USP20: variants seen among roughly 807,000 people sequenced by gnomAD.
The protein encoded by USP20 is ubiquitin specific peptidase 20.
USP20 carries 80 observed loss-of-function variants against 124.2 expected under a neutral mutation model. The ratio of observed to expected loss-of-function variants is 0.64; its 90% confidence interval spans 0.54 to 0.78. The LOEUF is 0.78. Ranked by LOEUF, USP20 falls within the 30% of genes least tolerant of loss-of-function variation. The probability of loss-of-function intolerance (pLI) is 0.00; values close to 1 mark genes in which losing one functional copy is unlikely to be tolerated. For synonymous variants in USP20, 481 were observed against 512.3 expected (o/e 0.94, Z 0.83); for missense variants, 1,043 against 1,244.4 (o/e 0.84, Z 2.44).
At position 129,852,621 on chromosome 9, in the gene USP20, G is replaced by A. The variant is rs2131051097; in HGVS notation, c.66G>A (p.Leu22=). 1 of 1,593,522 alleles carries A rather than the reference G, an allele frequency of 6.3e-7. No individual in the cohort carries two copies. Among genetic ancestry groups the A allele is most frequent in the South Asian group, 1.1e-5 (1 of 87,748 alleles). The change falls in exon 3 of 26, where the codon TTG becomes TTA. Residue 22 remains leucine (L), a synonymous_variant. Coordinates refer to ENST00000372429, the MANE Select transcript of USP20 (RefSeq NM_001110303.4). The part of the protein sequence containing the change: ...DSIGEVTKED[L]LLKSKGTCQS... ...TAGGAGAGGTGACCAAAGAGGACTT[G>A]CTGCTCAAATCTAAGGTAAAGGGTC...
intron 8 of USP20, among the ~76,000 whole-genome samples, chr9:129,861,908 G>T (rs1456660746): frequency 6.6e-6 from 1 of 152,192 alleles, no homozygotes; most frequent in Non-Finnish European, 1.5e-5. Flanking sequence ...AGCCCTTGCA[G>T]CAAGTGCAGG....
At chr9:129,853,694 T>G (rs1229256268) in intron 3 of USP20, among the ~76,000 whole-genome samples, 1 of 152,226 alleles carries the variant, frequency 6.6e-6, no homozygotes, top group Non-Finnish European at 1.5e-5. Context: ...CTTTGCCTCT[T>G]GCAGCATGAA....
chr9:129,875,597 G>A lies in USP20; in HGVS notation c.2256G>A (p.Leu752=). The A allele has an allele frequency of 6.2e-7, 1 of 1,614,074 alleles. No individual in the cohort carries two copies. Among genetic ancestry groups the A allele is most frequent in the Non-Finnish European group, 8.5e-7 (1 of 1,180,008 alleles). The part of the protein sequence containing the change: ...PPHKYHYIDD[L]VVILPQNVWE... Reference sequence around the variant, plus strand: ...ACAAATACCACTACATCGACGACCTGGTGGTCATCCTGCCCCAGAACGTCT... The same window carrying A: ...ACAAATACCACTACATCGACGACCTAGTGGTCATCCTGCCCCAGAACGTCT... The change falls in exon 21 of 26, where the codon CTG becomes CTA. Residue 752 remains leucine (L), a synonymous_variant. Transcript: ENST00000372429.
rs1304662720 is a variant in USP20 at position 129,870,542 on chromosome 9, T to C, written c.1655T>C (p.Leu552Ser). Residue 552 changes from leucine to serine, a missense_variant, in exon 15 of 26, where the codon TTA becomes TCA. Coordinates refer to ENST00000372429, the MANE Select transcript of USP20 (RefSeq NM_001110303.4). ...GCTGCCTTCTTTGCCGCTGATGAGT[T>C]AAAGGGTGAGGGGCCTGGCTGGCAA... ...CLAAFFAADE[L>S]KGDNMYSCER... 1 of 1,613,988 alleles carries C rather than the reference T, an allele frequency of 6.2e-7. No homozygotes were observed. Among genetic ancestry groups the C allele is most frequent in the Non-Finnish European group, 8.5e-7 (1 of 1,179,970 alleles).
At position 129,881,122 on chromosome 9, in the gene USP20, C is replaced by G. The variant is rs530628774; in HGVS notation, c.*672C>G. On this transcript the variant is annotated 3_prime_UTR_variant, in exon 26 of 26. Coordinates refer to ENST00000372429, the MANE Select transcript of USP20 (RefSeq NM_001110303.4). Reference sequence around the variant, plus strand: ...ACACCGCGTCCTGCTGAGCCTGCCCCCTGGATTGGCTGTAATTTGCCTCGA... The same window carrying G: ...ACACCGCGTCCTGCTGAGCCTGCCCGCTGGATTGGCTGTAATTTGCCTCGA... 6.6e-6 allele frequency: 1 copy of G among 152,372 alleles called. No homozygotes were observed. Among genetic ancestry groups the G allele is most frequent in the South Asian group, 2.1e-4 (1 of 4,826 alleles). 9.4% of individuals were successfully genotyped at this position (152,372 alleles called of 1,614,324 possible). A position where few individuals can be genotyped will look rare whatever the true frequency, so the allele number is the denominator to read the frequency against.
chr9:129,848,117 A>G (rs1045447023), intron 1 of USP20, among the ~76,000 whole-genome samples: 7 of 152,046 alleles, frequency 4.6e-5, no homozygotes, highest in African/African-American at 1.7e-4. Flanking sequence ...ACCAACATGG[A>G]GAAACTCCAT....
intron 11 of USP20, among the ~76,000 whole-genome samples, 200 bp downstream of exon 11, chr9:129,868,649 C>G (rs1228946331): frequency 2.0e-5 from 3 of 152,178 alleles, no homozygotes; most frequent in Admixed American, 1.3e-4. Flanking sequence ...CAATTCAGAG[C>G]CCTCTCCCAG....
intron 4 of USP20, 70 bp from the exon 5 acceptor site, chr9:129,857,979 GA>G: frequency 7.0e-7 from 1 of 1,432,012 alleles, no homozygotes; most frequent in Non-Finnish European, 9.8e-7. Context: ...CTTTGGGATG[GA>G]ACCAGAGACA....
chr9:129,844,267 A>T (rs577490888), intron 1 of USP20, among the ~76,000 whole-genome samples: 158 of 152,360 alleles, frequency 1.0e-3, no homozygotes, highest in Non-Finnish European at 1.5e-3. Flanking sequence ...TAGTGACATT[A>T]GAAATATATA....
rs894801677 is a variant in USP20 at position 129,863,204 on chromosome 9, C to A, written c.516C>A (p.Phe172Leu). The change falls in exon 9 of 26, where the codon TTC becomes TTA. Residue 172 changes from phenylalanine to leucine, a missense_variant. Phe to Leu is a conservative substitution (Grantham distance 22). Coordinates refer to ENST00000372429, the MANE Select transcript of USP20 (RefSeq NM_001110303.4). ...ALSNCPPLTQ[F>L]FLECGGLVRT... ...CACCCAGCCCGCCGCTGACTCAGTT[C>A]TTCTTGGAGTGTGGCGGCCTGGTGC... 2.6e-6 allele frequency: 4 copies of A among 1,541,680 alleles called. No individual in the cohort carries two copies. Among genetic ancestry groups the A allele is most frequent in the Non-Finnish European group, 1.8e-6 (2 of 1,139,036 alleles).
chr9:129,870,343 C>A, intron 14 of USP20, 110 bp from the exon 15 acceptor site: 1 of 1,227,484 alleles, frequency 8.1e-7, no homozygotes, highest in Non-Finnish European at 1.2e-6. Context: ...TTCTCTGGGC[C>A]TTCAGGGTCC....
chr9:129,851,832 C>G (rs557826525), intron 2 of USP20, among the ~76,000 whole-genome samples: 21 of 152,054 alleles, frequency 1.4e-4, no homozygotes, highest in African/African-American at 5.1e-4. Flanking sequence ...CTCTTGAAAC[C>G]CATCACCCAG....
chr9:129,855,306 C>T (rs1332091018), intron 3 of USP20, among the ~76,000 whole-genome samples: 1 of 152,124 alleles, frequency 6.6e-6, no homozygotes, highest in Non-Finnish European at 1.5e-5. Flanking sequence ...TGGTGGGTGC[C>T]TGTAGTCCCA....
rs894308802 is a variant in USP20 at position 129,875,735 on chromosome 9, C to T, written c.2300+94C>T. ...GGCAGGGAAGGAATGCCACCAGGAC[C>T]CCACACCACACTCTGGCCTCCACGT... On this transcript the variant is annotated intron_variant, in intron 21 of 25. Transcript: ENST00000372429. 2.4e-6 allele frequency: 3 copies of T among 1,248,098 alleles called. No individual in the cohort carries two copies. The African/African-American group carries it at 4.5e-5, about 19-fold the overall frequency. 77.3% of individuals were successfully genotyped at this position (1,248,098 alleles called of 1,614,324 possible).
chr9:129,869,642 T>C (rs1243256372), intron 13 of USP20, 30 bp from the exon 14 acceptor site: 29 of 1,610,952 alleles, frequency 1.8e-5, no homozygotes, highest in Non-Finnish European at 2.4e-5. Flanking sequence ...TGCCAGAGGA[T>C]GGGCAGCAGA....
At chr9:129,864,717 C>T (rs1227035990) in intron 9 of USP20, among the ~76,000 whole-genome samples, 5 of 144,112 alleles carry the variant, frequency 3.5e-5, no homozygotes, top group South Asian at 2.2e-4. Flanking sequence ...GAGGTTGCAG[C>T]AAGCCAAGAT....
chr9:129,868,395 C>T lies in USP20; in HGVS notation c.1081C>T (p.Pro361Ser), dbSNP rs1217125663. Reference sequence around the variant, plus strand: ...TGCCATGGCTGCCCTTGACGACCAGCCCGCGGAGGCCCAGCCCCCGTCACC... The same window carrying T: ...TGCCATGGCTGCCCTTGACGACCAGTCCGCGGAGGCCCAGCCCCCGTCACC... The part of the protein sequence containing the change: ...DTAMAALDDQ[P>S]AEAQPPSPRS... Residue 361 changes from proline to serine, a missense_variant, in exon 11 of 26, where the codon CCC becomes TCC. Coordinates refer to ENST00000372429, the MANE Select transcript of USP20 (RefSeq NM_001110303.4). The T allele has an allele frequency of 6.2e-6, 10 of 1,609,554 alleles. No homozygotes were observed. In the East Asian group the frequency reaches 2.2e-4, roughly 36 times the overall value.
chr9:129,875,361 C>G lies in USP20; in HGVS notation c.2100C>G (p.Ala700=), dbSNP rs61751468. ...MRERQQVVSL[A]AMREPSLLRF... ...AGCGACAGCAGGTGGTGTCCCTGGC[C>G]GCCATGCGGGAGCCCAGCCTGCTGC... is the stretch of plus-strand genomic sequence containing the variant. Residue 700 remains alanine, a synonymous_variant, in exon 20 of 26, where the codon GCC becomes GCG. Coordinates refer to ENST00000372429, the MANE Select transcript of USP20 (RefSeq NM_001110303.4). The G allele has an allele frequency of 3.8e-4, 610 of 1,612,688 alleles. No homozygotes were observed. The highest frequency in any genetic ancestry group is 4.9e-4 in the Middle Eastern group (3 of 6,080).
intron 17 of USP20, among the ~76,000 whole-genome samples, chr9:129,874,274 G>C (rs2034275508): frequency 6.6e-6 from 1 of 152,232 alleles, no homozygotes; most frequent in Admixed American, 6.5e-5. Flanking sequence ...CCCTGGCAGA[G>C]GGGGCCCAGG....
Sources: gnomAD v4.1 joint callset for allele counts (sites outside exome capture counted in the v4.1 genomes callset) on GRCh38, gnomAD v4.1.1 for gene constraint, MANE v1.5 for transcripts, NCBI Gene and HGNC (gene_info 2026-07-23, HGNC 2026-07-21) for gene names.